Variants in TSPEAR observed in about 807,000 individuals in gnomAD.
TSPEAR encodes thrombospondin type laminin G domain and EAR repeats.
TSPEAR carries 69 observed loss-of-function variants against 71.6 expected under a neutral mutation model. The observed-to-expected ratio is 0.96, with a 90% CI of 0.79 to 1.18. The LOEUF (loss-of-function observed/expected upper bound fraction) is 1.18, where lower values mean the gene tolerates loss of function less well. TSPEAR is among the 50% of genes most tolerant of loss of function. TSPEAR has a pLI of 0.00. For synonymous variants in TSPEAR, 402 were observed against 387.2 expected (o/e 1.04, Z -0.45); for missense variants, 971 against 894.9 (o/e 1.09, Z -1.09).
At chr21:44,657,983 T>C (rs1555942872) in intron 1 of TSPEAR, 6 of 1,612,984 alleles carry the variant, frequency 3.7e-6, no homozygotes, top group Non-Finnish European at 5.1e-6. Flanking sequence ...CGCCACCATG[T>C]GCCACACCAG....
At chr21:44,708,297 A>G (rs1490827010) in intron 1 of TSPEAR, among the ~76,000 whole-genome samples, 2 of 151,744 alleles carry the variant, frequency 1.3e-5, no homozygotes, top group Non-Finnish European at 2.9e-5. Context: ...ACTGCAGGAC[A>G]CTCTAAGGGC....
At chr21:44,617,653 A>G (rs916561578) in intron 1 of TSPEAR, among the ~76,000 whole-genome samples, 24 of 152,242 alleles carry the variant, frequency 1.6e-4, no homozygotes, top group Admixed American at 6.5e-4. Context: ...GAGCTATACA[A>G]TCACAATGCT....
intron 2 of TSPEAR, among the ~76,000 whole-genome samples, chr21:44,553,229 G>C (rs9981589): frequency 0.048 from 7,247 of 152,284 alleles, 539 homozygotes; most frequent in African/African-American, 0.16. Flanking sequence ...AGCTTCAGCA[G>C]AGAGGTTGAG....
At chr21:44,559,555 G>C (rs934261995) in intron 2 of TSPEAR, among the ~76,000 whole-genome samples, 1 of 152,198 alleles carries the variant, frequency 6.6e-6, no homozygotes, top group African/African-American at 2.4e-5. Flanking sequence ...GTCCTTGGGA[G>C]CTCCAAGGTC....
intron 2 of TSPEAR, among the ~76,000 whole-genome samples, chr21:44,555,789 C>G (rs1212714365): frequency 6.6e-6 from 1 of 152,162 alleles, no homozygotes; most frequent in Non-Finnish European, 1.5e-5. Context: ...GGGGACAGCC[C>G]TTCCTGCCAT....
chr21:44,627,771 T>C lies in TSPEAR; in HGVS notation c.83-59766A>G, dbSNP rs374559619. ...GCTGCAAACCCATCTGCTGTGTGCC[T>C]GTCTGCTCTGGGGCTTCCTCTTTGT... On this transcript the variant is annotated intron_variant, in intron 1 of 11. Transcript: ENST00000323084. 9.4e-5 allele frequency: 150 copies of C among 1,599,630 alleles called. 1 individual carries two copies. The highest frequency in any genetic ancestry group is 3.3e-4 in the Middle Eastern group (2 of 6,032).
intron 1 of TSPEAR, among the ~76,000 whole-genome samples, chr21:44,665,828 G>A (rs73233088): frequency 3.9e-4 from 59 of 152,286 alleles, no homozygotes; most frequent in Non-Finnish European, 5.7e-4. Context: ...GAGATCCTCC[G>A]CGACCTGGGA....
chr21:44,532,575 C>T (rs186787420), intron 3 of TSPEAR, among the ~76,000 whole-genome samples: 25 of 152,142 alleles, frequency 1.6e-4, no homozygotes, highest in African/African-American at 4.3e-4. Flanking sequence ...AATATTTATG[C>T]GATAAGTTTC....
In TSPEAR at chr21:44,601,641, C is replaced by A; in HGVS notation, c.83-33636G>T. 4.3e-6 allele frequency: 7 copies of A among 1,613,538 alleles called. No individual in the cohort carries two copies. The South Asian group carries it at 7.7e-5, about 18-fold the overall frequency. On this transcript the variant is annotated intron_variant, in intron 1 of 11. Coordinates refer to ENST00000323084, the MANE Select transcript of TSPEAR (RefSeq NM_144991.3). ...CCTCCTCCTGCCAGGCCAGCTGCTGCCGCCCAGCCTCCTGTGTGTCTCTCC... is the reference window on the plus strand; with the variant it reads ...CCTCCTCCTGCCAGGCCAGCTGCTGACGCCCAGCCTCCTGTGTGTCTCTCC...
chr21:44,601,505 C>G, intron 1 of TSPEAR: 1 of 1,612,784 alleles, frequency 6.2e-7, no homozygotes, highest in Non-Finnish European at 8.5e-7. Flanking sequence ...AGCTGCCAGC[C>G]GGCTTGCTGC....
At chr21:44,592,502 G>GGAGGGTGAGGGAGTGA (rs782022490) in intron 1 of TSPEAR, 1 of 1,590,856 alleles carries the variant, frequency 6.3e-7, no homozygotes, top group African/African-American at 1.4e-5. Context: ...TTGAACTGGT[G>GGAGGGTGAGGGAGTGA]GAGGGTGAGG....
chr21:44,627,586 G>A, intron 1 of TSPEAR: 1 of 1,612,264 alleles, frequency 6.2e-7, no homozygotes, highest in Non-Finnish European at 8.5e-7. Context: ...CTGCCAGCCG[G>A]CCTGCTGTGT....
At chr21:44,627,258 C>T (rs782342104) in intron 1 of TSPEAR, 4 of 1,612,604 alleles carry the variant, frequency 2.5e-6, no homozygotes, top group African/African-American at 2.7e-5. Flanking sequence ...GCTGTGAGCC[C>T]CCCTGCTGCG....
At chr21:44,650,684 G>A (rs587622875) in intron 1 of TSPEAR, among the ~76,000 whole-genome samples, 2 of 152,250 alleles carry the variant, frequency 1.3e-5, no homozygotes, top group African/African-American at 2.4e-5. Flanking sequence ...CATAGCTGGC[G>A]TGGGACTCTG....
rs587594840 is a variant in TSPEAR at position 44,632,363 on chromosome 21, A to C, written c.83-64358T>G. On this transcript the variant is annotated intron_variant, in intron 1 of 11. Transcript: ENST00000323084. ...ACTTAAAGTGCTGAAAGAGAAAAAA[A>C]CTGTCCACCAAGAAGTCTGTGTCCA... Among the ~76,000 whole-genome samples the C allele has an allele frequency of 2.6e-5, 4 of 151,968 alleles. No homozygotes were observed. In the East Asian group the frequency reaches 7.7e-4, roughly 29 times the overall value.
rs570934087 is a variant in TSPEAR, at chr21:44,697,005, C to G, written c.82+14428G>C. Among the ~76,000 whole-genome samples, 3 of 151,748 alleles carry G rather than the reference C, an allele frequency of 2.0e-5. No individual in the cohort carries two copies. In the South Asian group the frequency reaches 6.3e-4, roughly 32 times the overall value. ...CACCCAGACACTCACTCACTCCCTC[C>G]TTCCCATCCAGCACCCAGACGCTCA... On this transcript the variant is annotated intron_variant, in intron 1 of 11. Transcript: ENST00000323084.
chr21:44,530,989 G>A (rs1223694653), intron 4 of TSPEAR, 54 bp downstream of exon 4: 2 of 1,417,040 alleles, frequency 1.4e-6, no homozygotes, highest in Admixed American at 3.4e-5. Context: ...AACTGGCCTG[G>A]GGCAGTCCCA....
chr21:44,563,579 C>G (rs1555921402), intron 2 of TSPEAR, among the ~76,000 whole-genome samples: 1 of 127,644 alleles, frequency 7.8e-6, no homozygotes, highest in African/African-American at 2.6e-5. Flanking sequence ...AATATAAGGA[C>G]AGTGGTGACA....
At chr21:44,512,157 A>G (rs1219623926) in intron 9 of TSPEAR, among the ~76,000 whole-genome samples, 2 of 152,162 alleles carry the variant, frequency 1.3e-5, no homozygotes, top group Non-Finnish European at 2.9e-5. Context: ...AGTGCGGAGC[A>G]GGGGCTGGGG....
Sources: gnomAD v4.1 joint callset for allele counts (sites outside exome capture counted in the v4.1 genomes callset) on GRCh38, gnomAD v4.1.1 for gene constraint, MANE v1.5 for transcripts, NCBI Gene and HGNC (gene_info 2026-07-23, HGNC 2026-07-21) for gene names.